Variants in SHQ1 observed in about 807,000 individuals in gnomAD.
The protein encoded by SHQ1 is protein SHQ1 homolog.
SHQ1 carries 49 observed loss-of-function variants against 53.8 expected under a neutral mutation model. That is an observed-to-expected ratio of 0.91 (90% confidence interval 0.72 to 1.16). SHQ1 has a LOEUF of 1.16. Among genes scored for constraint, SHQ1 ranks in the 50% most tolerant of loss-of-function variants. The pLI, the probability that SHQ1 is intolerant of heterozygous loss-of-function variation, is 0.00. For missense variants in SHQ1, 738 were observed against 683.1 expected (o/e 1.08, Z -0.90); for synonymous variants, 243 against 251.0 (o/e 0.97, Z 0.30).
chr3:72,791,668 T>C (rs901613134), intron 10 of SHQ1, among the ~76,000 whole-genome samples: 2 of 152,198 alleles, frequency 1.3e-5, no homozygotes, highest in Admixed American at 6.5e-5. Context: ...TCATTTTCTA[T>C]AGCACCTAGG....
In SHQ1 at chr3:72,846,317, G is replaced by C. The variant is rs749805320; in HGVS notation, c.143+1881C>G. 3.1e-6 allele frequency: 4 copies of C among 1,274,310 alleles called. No homozygotes were observed. The South Asian group carries it at 5.2e-5, about 16-fold the overall frequency. 78.9% of individuals were successfully genotyped at this position (1,274,310 alleles called of 1,614,324 possible). ...TATGTTCTTTTTTTTTTTTTTTTTA[G>C]ACAGTCTCGCTCTGTTACTCAGGCT... On this transcript the variant is annotated intron_variant, in intron 1 of 10. Coordinates refer to ENST00000325599, the MANE Select transcript of SHQ1 (RefSeq NM_018130.3).
At chr3:72,828,186 T>C (rs2106911760) in intron 5 of SHQ1, among the ~76,000 whole-genome samples, 1 of 152,326 alleles carries the variant, frequency 6.6e-6, no homozygotes, top group African/African-American at 2.4e-5. Context: ...GAGAACCATG[T>C]ACACAAATAC....
At chr3:72,729,226 T>A in the SHQ1 span, among the ~76,000 whole-genome samples, 1 of 152,332 alleles carries the variant, frequency 6.6e-6, no homozygotes, top group South Asian at 2.1e-4. Context: ...TGGCTCCTAT[T>A]GGGTTTTGAG....
chr3:72,830,753 C>T (rs946632676), intron 5 of SHQ1, among the ~76,000 whole-genome samples: 1 of 152,060 alleles, frequency 6.6e-6, no homozygotes, highest in African/African-American at 2.4e-5. Flanking sequence ...AAGAACAGTT[C>T]TTTGAGAAGT....
At chr3:72,765,557 A>ATATATATATTTTTT (rs1491527508) in intron 10 of SHQ1, among the ~76,000 whole-genome samples, 13 of 57,180 alleles carry the variant, frequency 2.3e-4, no homozygotes, top group African/African-American at 1.0e-3. Context: ...ATATATATAT[A>ATATATATATTTTTT]TTTTTTTTTT....
intron 6 of SHQ1, among the ~76,000 whole-genome samples, chr3:72,820,133 T>A (rs1707433531): frequency 6.6e-6 from 1 of 152,214 alleles, no homozygotes; most frequent in South Asian, 2.1e-4. Context: ...TAGCAACATG[T>A]CAACTCTCTA....
chr3:72,817,437 C>T, intron 6 of SHQ1, 53 bp from the exon 7 acceptor site: 1 of 1,493,082 alleles, frequency 6.7e-7, no homozygotes, highest in Non-Finnish European at 9.1e-7. Context: ...TTGTAAAACT[C>T]CCAATGGAAG....
chr3:72,765,539 A>G lies in SHQ1; in HGVS notation c.1182-14703T>C, dbSNP rs1275126507. ...TCCCAGATTCACATGACATATATAT[A>G]TATATATATATATATATATTTTTTT... On this transcript the variant is annotated intron_variant, in intron 10 of 10. Transcript: ENST00000325599. 5.9e-4 allele frequency among the ~76,000 whole-genome samples: 53 copies of G among 89,762 alleles called. 3 individuals carry two copies. The highest frequency in any genetic ancestry group is 4.0e-3 in the African/African-American group (53 of 13,244). The allele number at this position is 89,762 out of a possible 152,430, so 58.9% of individuals were successfully genotyped here.
the SHQ1 span, among the ~76,000 whole-genome samples, chr3:72,728,700 C>T: frequency 5.3e-5 from 8 of 152,334 alleles, no homozygotes; most frequent in East Asian, 7.7e-4. Flanking sequence ...CTTCCATTGC[C>T]TCACCTGGAA....
intron 4 of SHQ1, among the ~76,000 whole-genome samples, chr3:72,838,648 C>T (rs1271248641): frequency 6.6e-6 from 1 of 152,094 alleles, no homozygotes; most frequent in African/African-American, 2.4e-5. Flanking sequence ...TACAGGCATG[C>T]GCCACCACGC....
At chr3:72,763,058 CACACAGAGAGAGAGAGAG>C (rs1705645692) in intron 10 of SHQ1, among the ~76,000 whole-genome samples, 2 of 134,644 alleles carry the variant, frequency 1.5e-5, no homozygotes, top group Non-Finnish European at 3.0e-5. Context: ...CACACACACA[CACACAGAGAGAGAGAGAG>C]AGAGAGAGAG....
chr3:72,737,366 C>T, the SHQ1 span, among the ~76,000 whole-genome samples: 3 of 151,924 alleles, frequency 2.0e-5, no homozygotes, highest in South Asian at 2.1e-4. Flanking sequence ...AGAGGAGAGG[C>T]AGGAACCCTC....
chr3:72,728,429 G>A, the SHQ1 span, among the ~76,000 whole-genome samples: 1 of 152,176 alleles, frequency 6.6e-6, no homozygotes, highest in Non-Finnish European at 1.5e-5. Context: ...CTAGAGGCCC[G>A]AGGCAGCTAT....
chr3:72,824,526 T>C lies in SHQ1; in HGVS notation c.625A>G (p.Ile209Val), dbSNP rs145841189. The C allele has an allele frequency of 7.5e-5, 120 of 1,610,094 alleles. No individual in the cohort carries two copies. In the African/African-American group the frequency reaches 1.0e-3, roughly 13 times the overall value. The change falls in exon 6 of 11, where the codon ATT becomes GTT. Residue 209 changes from isoleucine to valine, a missense_variant. By Grantham distance (29) the Ile-to-Val change is conservative. Coordinates refer to ENST00000325599, the MANE Select transcript of SHQ1 (RefSeq NM_018130.3). ...GGATTATACTTCAAAATCTGTTCAA[T>C]CGCCTCATCTTCAAAAAAGTCAGCT... ...YLADFFEDEA[I>V]EQILKYNPWW...
chr3:72,729,182 CATAA>C, the SHQ1 span, among the ~76,000 whole-genome samples: 16 of 152,322 alleles, frequency 1.1e-4, no homozygotes, highest in Admixed American at 7.9e-4. Flanking sequence ...GTGCCAGGAG[CATAA>C]ATAGTCACGG....
At chr3:72,752,440 A>G (rs1486555115) in intron 10 of SHQ1, among the ~76,000 whole-genome samples, 1 of 152,202 alleles carries the variant, frequency 6.6e-6, no homozygotes, top group Non-Finnish European at 1.5e-5. Context: ...ATAAATGTTC[A>G]TAATCTTAAA....
At chr3:72,838,656 C>T (rs932654498) in intron 4 of SHQ1, among the ~76,000 whole-genome samples, 15 of 152,260 alleles carry the variant, frequency 9.9e-5, no homozygotes, top group African/African-American at 3.1e-4. Context: ...TGCGCCACCA[C>T]GCTCAGCTAA....
intron 10 of SHQ1, among the ~76,000 whole-genome samples, chr3:72,764,821 C>G (rs1218375817): frequency 1.3e-5 from 2 of 152,180 alleles, no homozygotes; most frequent in East Asian, 3.9e-4. Flanking sequence ...GTCATCATTA[C>G]CAGCTGACAC....
At chr3:72,833,495 TAGATAGACAGACAGAC>T (rs1312982537) in intron 4 of SHQ1, among the ~76,000 whole-genome samples, 1,453 of 53,026 alleles carry the variant, frequency 0.027, 8 homozygotes, top group Non-Finnish European at 0.037. Context: ...GATAGATAGA[TAGATAGACAGACAGAC>T]AGACAGATAG....
Sources: allele counts gnomAD v4.1 joint callset (sites outside exome capture counted in the v4.1 genomes callset), GRCh38; gene constraint gnomAD v4.1.1; transcripts MANE v1.5; gene names NCBI Gene and HGNC (gene_info 2026-07-23, HGNC 2026-07-21).